Variants in INPP5B observed in about 807,000 individuals in gnomAD.
INPP5B encodes type II inositol 1,4,5-trisphosphate 5-phosphatase.
A neutral mutation model predicts 118.5 loss-of-function variants in INPP5B; 90 were observed. The ratio of observed to expected loss-of-function variants is 0.76; its 90% confidence interval spans 0.64 to 0.90. The LOEUF (loss-of-function observed/expected upper bound fraction) is 0.90. Among genes scored for constraint, INPP5B ranks in the 40% least tolerant of loss-of-function variants. INPP5B has a pLI of 0.00. For missense variants in INPP5B, 984 were observed against 1,125.6 expected (o/e 0.87, Z 1.80); for synonymous variants, 385 against 418.9 (o/e 0.92, Z 0.99).
intron 22 of INPP5B, chr1:37,864,833 C>G (rs1254049702): frequency 6.4e-6 from 1 of 155,740 alleles, no homozygotes; most frequent in African/African-American, 2.4e-5. Context: ...TTGATCAGGC[C>G]CTGATCAATG....
chr1:37,941,104 G>A (rs911314253), intron 5 of INPP5B, among the ~76,000 whole-genome samples: 12 of 152,062 alleles, frequency 7.9e-5, no homozygotes, highest in South Asian at 2.1e-4. Context: ...TTCCCCTCCC[G>A]ATGAAATGAA....
At position 37,878,173 on chromosome 1, in the gene INPP5B, C is replaced by T. The variant is rs764906886; in HGVS notation, c.1677+15G>A. The T allele has an allele frequency of 5.0e-6, 8 of 1,613,558 alleles. No homozygotes were observed. The East Asian group carries it at 1.3e-4, about 27-fold the overall frequency. ...CCCTCCAGAATGATTACAACAGGTA[C>T]CAGCTGCCACCTACCCCGATGTCAA... is the stretch of plus-strand genomic sequence containing the variant. On this transcript the variant is annotated intron_variant, in intron 16 of 23. Transcript: ENST00000373024.
At chr1:37,944,780 G>A (rs866483867) in intron 3 of INPP5B, among the ~76,000 whole-genome samples, 3 of 149,614 alleles carry the variant, frequency 2.0e-5, no homozygotes, top group South Asian at 4.3e-4. Context: ...TGGAGCCGGG[G>A]AGCGGGAGGT....
intron 7 of INPP5B, among the ~76,000 whole-genome samples, chr1:37,919,760 G>A (rs575914271): frequency 1.1e-4 from 16 of 152,132 alleles, no homozygotes; most frequent in East Asian, 1.9e-4. Context: ...CCAAAATGGC[G>A]AAACCCCATC....
rs1641734614 is a variant in INPP5B, at chr1:37,862,111, T to C, written c.*204A>G. The C allele has an allele frequency of 4.1e-6, 2 of 486,462 alleles. No individual in the cohort carries two copies. The highest frequency in any genetic ancestry group is 4.0e-5 in the South Asian group (1 of 25,022). 30.1% of individuals were successfully genotyped at this position (486,462 alleles called of 1,614,324 possible). A position where few individuals can be genotyped will look rare whatever the true frequency, so the allele number is the denominator to read the frequency against. ...TGAAAATTGAATGTCAGTTTTATTA[T>C]GGTGGATTTTCTCCCGTGTCTTCAC... On this transcript the variant is annotated 3_prime_UTR_variant, in exon 24 of 24. Transcript: ENST00000373024.
At chr1:37,927,758 C>A (rs560124813) in intron 7 of INPP5B, among the ~76,000 whole-genome samples, 1,553 of 152,102 alleles carry the variant, frequency 0.01, 32 homozygotes, top group African/African-American at 0.036. Flanking sequence ...AGGATGGTCT[C>A]AATCTCCTGA....
At chr1:37,870,023 G>A (rs952874422) in intron 19 of INPP5B, 2 of 151,498 alleles carry the variant, frequency 1.3e-5, no homozygotes, top group African/African-American at 4.9e-5. Flanking sequence ...ACCTACCGAT[G>A]ATGATTTAAA....
At position 37,907,906 on chromosome 1, in the gene INPP5B, A is replaced by C. The variant is rs1644552195; in HGVS notation, c.533-16452T>G. ...GCCTGAAGCAACTGAAGATCCACAA[A>C]AGAACTGAAAACAGCCTTAACTGAT... On this transcript the variant is annotated intron_variant, in intron 7 of 23. Transcript: ENST00000373024. The surrounding 1 kb of genome is among the most constrained non-coding windows in gnomAD (Gnocchi z 4.3). Among the ~76,000 whole-genome samples, 1 of 152,156 alleles carries C rather than the reference A, an allele frequency of 6.6e-6. No homozygotes were observed. The highest frequency in any genetic ancestry group is 1.5e-5 in the Non-Finnish European group (1 of 68,020).
intron 18 of INPP5B, chr1:37,873,501 G>C (rs1642598035): frequency 2.8e-6 from 1 of 358,552 alleles, no homozygotes; most frequent in Non-Finnish European, 5.2e-6. Context: ...AGATGAAGAT[G>C]ACTGACTCAG....
At chr1:37,945,934 C>G in intron 2 of INPP5B, 84 bp from the exon 3 acceptor site, 2 of 1,253,974 alleles carry the variant, frequency 1.6e-6, no homozygotes, top group Non-Finnish European at 2.3e-6. Context: ...TGTTCCCCTG[C>G]CCCCCCAGAT....
intron 3 of INPP5B, among the ~76,000 whole-genome samples, chr1:37,944,292 TC>T: frequency 6.6e-6 from 1 of 152,284 alleles, no homozygotes; most frequent in Non-Finnish European, 1.5e-5. Flanking sequence ...CCCTCCCAGC[TC>T]CTAGACCCTG....
chr1:37,882,021 C>A (rs1173884287), intron 14 of INPP5B, among the ~76,000 whole-genome samples: 1 of 151,870 alleles, frequency 6.6e-6, no homozygotes, highest in Non-Finnish European at 1.5e-5. Flanking sequence ...ATTGCTTGAA[C>A]CCAGCAGGCA....
chr1:37,931,604 A>G (rs1420701591), intron 7 of INPP5B: 13 of 1,535,536 alleles, frequency 8.5e-6, no homozygotes, highest in South Asian at 8.3e-5. Context: ...GACCCTGCCC[A>G]CCCGAGGGCC....
Position 37,862,415 on chromosome 1 carries a change from C to T in INPP5B, c.2642G>A (p.Ser881Asn). ...ACCAGCTGGGTTTCGAAGCAATAAG[C>T]TGCCAAATATGCTAGCTGCAAGAAA... ...DENILASIFGSLLLRNPAGHQ... is the reference protein window; with the variant it reads ...DENILASIFGNLLLRNPAGHQ... The change falls in exon 24 of 24, where the codon AGC becomes AAC. Residue 881 changes from serine to asparagine, a missense_variant. By Grantham distance (46) the Ser-to-Asn change is conservative. Transcript: ENST00000373024. 6.2e-7 allele frequency: 1 copy of T among 1,611,388 alleles called. No individual in the cohort carries two copies. The highest frequency in any genetic ancestry group is 1.1e-5 in the South Asian group (1 of 91,004).
In INPP5B at chr1:37,861,354, A is replaced by G. The variant is rs1641683518; in HGVS notation, c.*961T>C. ...ATTGGCCTTTCAGGACTTTCCATCA[A>G]ATATCTGATCATGGGGATCTCAGCC... is the stretch of plus-strand genomic sequence containing the variant. On this transcript the variant is annotated 3_prime_UTR_variant, in exon 24 of 24. Transcript: ENST00000373024. 1 of 152,186 alleles carries G rather than the reference A, an allele frequency of 6.6e-6. No homozygotes were observed. The highest frequency in any genetic ancestry group is 2.1e-4 in the South Asian group (1 of 4,830). 9.4% of individuals were successfully genotyped at this position (152,186 alleles called of 1,614,324 possible).
intron 7 of INPP5B, among the ~76,000 whole-genome samples, chr1:37,899,096 G>A (rs1443706154): frequency 2.7e-5 from 4 of 149,774 alleles, no homozygotes; most frequent in South Asian, 2.1e-4. Flanking sequence ...CAAGAGAATC[G>A]CTTGAACCCG....
At chr1:37,880,423 T>TTTTTTTTATTTATTTATTTATTTA (rs373379144) in intron 14 of INPP5B, among the ~76,000 whole-genome samples, 10 of 149,732 alleles carry the variant, frequency 6.7e-5, no homozygotes, top group Non-Finnish European at 1.5e-4. Flanking sequence ...GTTTTTAATG[T>TTTTTTTTATTTATTTATTTATTTA]TTTATTTATT....
At chr1:37,883,127 T>A in intron 13 of INPP5B, 1 of 985,452 alleles carries the variant, frequency 1.0e-6, no homozygotes, top group Non-Finnish European at 1.2e-6. Context: ...AAGTTCATTA[T>A]AAACAGCCTT....
At position 37,885,641 on chromosome 1, in the gene INPP5B, T is replaced by G. The variant is rs924685367; in HGVS notation, c.1316A>C (p.His439Pro). The change falls in exon 13 of 24, where the codon CAT becomes CCT. Residue 439 changes from histidine (H) to proline (P), a missense_variant. By Grantham distance (77) the His-to-Pro change is moderately conservative. Transcript: ENST00000373024. ...PSLPPLTISN[H>P]DVILWLGDLN... Reference sequence around the variant, plus strand: ...TGGGGTGGAAGCCCAGACTCACTCATGGTTGCTGATGGTGAGAGGGGGAAG... The same window carrying G: ...TGGGGTGGAAGCCCAGACTCACTCAGGGTTGCTGATGGTGAGAGGGGGAAG... The G allele has an allele frequency of 6.2e-7, 1 of 1,613,360 alleles. No homozygotes were observed. The highest frequency in any genetic ancestry group is 8.5e-7 in the Non-Finnish European group (1 of 1,179,832).
Sources: gnomAD v4.1 joint callset for allele counts (sites outside exome capture counted in the v4.1 genomes callset) on GRCh38, gnomAD v4.1.1 for gene constraint, Gnocchi (gnomAD v3.1) non-coding constraint, MANE v1.5 for transcripts, NCBI Gene and HGNC (gene_info 2026-07-23, HGNC 2026-07-21) for gene names.